UNC13B: variants seen among roughly 807,000 people sequenced by gnomAD.
The protein encoded by UNC13B is protein unc-13 homolog B.
UNC13B carries 144 observed loss-of-function variants against 211.0 expected under a neutral mutation model. The observed-to-expected ratio is 0.68, with a 90% confidence interval of 0.60 to 0.78. UNC13B has a LOEUF of 0.78. UNC13B is among the 30% of genes least tolerant of loss of function. The probability of loss-of-function intolerance (pLI) is 0.00; values close to 1 mark genes in which losing one functional copy is unlikely to be tolerated. For missense variants in UNC13B, 1,777 were observed against 2,002.0 expected (o/e 0.89, Z 2.14); for synonymous variants, 709 against 725.8 (o/e 0.98, Z 0.37).
chr9:35,265,812 G>A (rs372794564), intron 7 of UNC13B, among the ~76,000 whole-genome samples: 1 of 151,962 alleles, frequency 6.6e-6, no homozygotes, highest in South Asian at 2.1e-4. Context: ...AAGTAATTGA[G>A]TTCTTGTTCA....
At chr9:35,290,987 G>A in intron 7 of UNC13B, 1 of 1,404,118 alleles carries the variant, frequency 7.1e-7, no homozygotes, top group Admixed American at 2.0e-5. Context: ...CATAATAATT[G>A]CTGAGATGGG....
chr9:35,339,837 C>G (rs775187639), intron 11 of UNC13B, among the ~76,000 whole-genome samples: 3 of 152,250 alleles, frequency 2.0e-5, no homozygotes, highest in Non-Finnish European at 2.9e-5. Flanking sequence ...GAGGCCTTAG[C>G]CAGGCCTTAG....
chr9:35,216,843 C>T (rs1824275756), intron 1 of UNC13B, among the ~76,000 whole-genome samples: 1 of 152,078 alleles, frequency 6.6e-6, no homozygotes, highest in Admixed American at 6.6e-5. Flanking sequence ...GATATAAAAA[C>T]ATAATCCAAC....
intron 7 of UNC13B, among the ~76,000 whole-genome samples, chr9:35,285,800 G>T (rs1179513262): frequency 2.0e-5 from 3 of 152,180 alleles, no homozygotes; most frequent in Non-Finnish European, 2.9e-5. Flanking sequence ...TCTTGATAAG[G>T]ATAGTTAAAT....
intron 28 of UNC13B, 80 bp downstream of exon 28, chr9:35,397,017 G>A (rs1587771795): frequency 6.2e-7 from 1 of 1,604,186 alleles, no homozygotes; most frequent in East Asian, 2.2e-5. Flanking sequence ...CCTGGGCTTT[G>A]GCCAGGATGG....
chr9:35,259,577 A>C (rs749727175), intron 7 of UNC13B, among the ~76,000 whole-genome samples: 4 of 152,112 alleles, frequency 2.6e-5, no homozygotes, highest in Non-Finnish European at 5.9e-5. Context: ...GTATACCTCA[A>C]TAAAATTTGA....
intron 1 of UNC13B, among the ~76,000 whole-genome samples, chr9:35,227,593 C>T (rs1353577173): frequency 6.6e-6 from 1 of 152,158 alleles, no homozygotes; most frequent in African/African-American, 2.4e-5. Flanking sequence ...AGTTATTTCT[C>T]ATTCTTGTTT....
chr9:35,234,934 A>G (rs986034974), intron 3 of UNC13B, among the ~76,000 whole-genome samples: 2 of 152,194 alleles, frequency 1.3e-5, no homozygotes, highest in African/African-American at 4.8e-5. Context: ...CTTGTGATAA[A>G]TAGCTGTTGT....
intron 1 of UNC13B, among the ~76,000 whole-genome samples, chr9:35,174,797 A>G (rs1821530581): frequency 6.6e-6 from 1 of 152,114 alleles, no homozygotes; most frequent in Admixed American, 6.6e-5. Flanking sequence ...CGTGTTAGCC[A>G]GGATAGTCTC....
chr9:35,203,483 C>T (rs1041935964), intron 1 of UNC13B, among the ~76,000 whole-genome samples: 2 of 152,098 alleles, frequency 1.3e-5, no homozygotes, highest in Middle Eastern at 3.2e-3. Context: ...TGAATATTGG[C>T]CCCCCACTCT....
intron 16 of UNC13B, 45 bp downstream of exon 16, chr9:35,377,740 G>T: frequency 6.3e-7 from 1 of 1,582,552 alleles, no homozygotes; most frequent in Non-Finnish European, 8.6e-7. Context: ...CTGGGCTATG[G>T]GGAGGAGACT....
chr9:35,296,357 G>C (rs1388228128), intron 8 of UNC13B, among the ~76,000 whole-genome samples: 1 of 152,158 alleles, frequency 6.6e-6, no homozygotes, highest in Admixed American at 6.5e-5. Context: ...AGCAGATTCA[G>C]TATTTTTACT....
chr9:35,326,224 T>C (rs969439161), intron 11 of UNC13B, among the ~76,000 whole-genome samples: 1 of 152,206 alleles, frequency 6.6e-6, no homozygotes, highest in South Asian at 2.1e-4. Flanking sequence ...TAACTAATGA[T>C]GTTGAGTATC....
chr9:35,281,399 G>C (rs1242650534), intron 7 of UNC13B, among the ~76,000 whole-genome samples: 1 of 144,646 alleles, frequency 6.9e-6, no homozygotes, highest in East Asian at 2.0e-4. Flanking sequence ...CTGGGAGTGA[G>C]AGACTGTCTC....
intron 3 of UNC13B, among the ~76,000 whole-genome samples, chr9:35,234,560 A>G (rs543121808): frequency 5.9e-5 from 9 of 152,316 alleles, no homozygotes; most frequent in African/African-American, 1.2e-4. Context: ...CACTGTGAAC[A>G]CTGTAACTTA....
At position 35,382,448 on chromosome 9, in the gene UNC13B, C is replaced by T; in HGVS notation, c.10747C>T (p.His3583Tyr). ...GGCCAACATCAACGCCTACTATGCC[C>T]ACACAACTGCCTCTACCAATGTCTC... ...LLANINAYYAHTTASTNVSAS... is the reference protein window; with the variant it reads ...LLANINAYYAYTTASTNVSAS... Residue 3583 changes from histidine (H) to tyrosine (Y), a missense_variant, in exon 21 of 40, where the codon CAC becomes TAC. Transcript: ENST00000635942. 6.2e-7 allele frequency: 1 copy of T among 1,614,168 alleles called. No individual in the cohort carries two copies. Among genetic ancestry groups the T allele is most frequent in the Non-Finnish European group, 8.5e-7 (1 of 1,180,038 alleles).
At chr9:35,241,593 AC>A (rs1825817521) in intron 5 of UNC13B, among the ~76,000 whole-genome samples, 1 of 108,518 alleles carries the variant, frequency 9.2e-6, no homozygotes, top group South Asian at 2.9e-4. Flanking sequence ...ACACACACAC[AC>A]ACCACCATCT....
At chr9:35,218,459 G>T (rs535809115) in intron 1 of UNC13B, among the ~76,000 whole-genome samples, 56 of 152,074 alleles carry the variant, frequency 3.7e-4, no homozygotes, top group African/African-American at 1.1e-3. Flanking sequence ...TTGAGACAGG[G>T]TCTGGCTCTG....
intron 6 of UNC13B, among the ~76,000 whole-genome samples, chr9:35,254,208 A>G (rs1314587927): frequency 6.6e-6 from 1 of 152,234 alleles, no homozygotes; most frequent in African/African-American, 2.4e-5. Context: ...GAGAAGTGCT[A>G]TAGGGGATTT....
Sources: gnomAD v4.1 joint callset for allele counts (sites outside exome capture counted in the v4.1 genomes callset) on GRCh38, gnomAD v4.1.1 for gene constraint, MANE v1.5 for transcripts, NCBI Gene and HGNC (gene_info 2026-07-23, HGNC 2026-07-21) for gene names.